Variants in PHF21A observed in about 807,000 individuals in gnomAD.
PHF21A encodes the protein PHD finger protein 21A.
A neutral mutation model predicts 82.5 loss-of-function variants in PHF21A; 11 were observed. The observed-to-expected ratio is 0.13, with a 90% CI of 0.08 to 0.22. The LOEUF (loss-of-function observed/expected upper bound fraction) is 0.22. Ranked by LOEUF, PHF21A falls within the 10% of genes least tolerant of loss-of-function variation. The pLI, the probability that PHF21A is intolerant of heterozygous loss-of-function variation, is 1.00. For synonymous variants in PHF21A, 297 were observed against 302.8 expected (o/e 0.98, Z 0.20); for missense variants, 579 against 837.8 (o/e 0.69, Z 3.81).
At position 45,965,616 on chromosome 11, in the gene PHF21A, G is replaced by T. The variant is rs2093387195; in HGVS notation, c.703-8C>A. The T allele has an allele frequency of 6.6e-7, 1 of 1,519,080 alleles. No homozygotes were observed. The highest frequency in any genetic ancestry group is 2.2e-5 in the Admixed American group (1 of 45,040). 94.1% of individuals were successfully genotyped at this position (1,519,080 alleles called of 1,614,324 possible). ...CACAGGCTTGGGTCGAACCTATAGG[G>T]GAAAGAGAGAATAATTATTGTATTA... On this transcript the variant is annotated splice_polypyrimidine_tract_variant and splice_region_variant and intron_variant, in intron 9 of 18. Coordinates refer to ENST00000676320, the MANE Select transcript of PHF21A (RefSeq NM_001352027.3).
intron 6 of PHF21A, among the ~76,000 whole-genome samples, chr11:46,048,151 C>T (rs1207528728): frequency 6.6e-6 from 1 of 152,186 alleles, no homozygotes; most frequent in Non-Finnish European, 1.5e-5. Flanking sequence ...TCCCCAACTA[C>T]CCACACATAT....
chr11:46,024,318 T>C (rs1287273727), intron 6 of PHF21A, among the ~76,000 whole-genome samples: 2 of 152,192 alleles, frequency 1.3e-5, no homozygotes, highest in Admixed American at 6.5e-5. Context: ...CTTTCCTCTG[T>C]CCTTCTCTTT....
intron 6 of PHF21A, among the ~76,000 whole-genome samples, chr11:46,018,050 A>C (rs2095551962): frequency 6.6e-6 from 1 of 151,996 alleles, no homozygotes; most frequent in Admixed American, 6.5e-5. Context: ...GGAGATCGAG[A>C]CCATCCCGGC....
intron 1 of PHF21A, among the ~76,000 whole-genome samples, chr11:46,101,197 A>G (rs1274825395): frequency 6.6e-6 from 1 of 152,230 alleles, no homozygotes; most frequent in Non-Finnish European, 1.5e-5. Context: ...AGAAAAGCTA[A>G]AATCTGTCCA....
intron 10 of PHF21A, among the ~76,000 whole-genome samples, chr11:45,959,345 A>T (rs1408855189): frequency 6.6e-6 from 1 of 152,240 alleles, no homozygotes; most frequent in African/African-American, 2.4e-5. Flanking sequence ...TTTTTATTTT[A>T]AAAATTCCAG....
Position 45,971,337 on chromosome 11 carries a change from T to C in PHF21A, c.391A>G (p.Thr131Ala). ...TTCAAGACGAGAGGTAGTGTCTTTG[T>C]GGTAATCATAGAAGCTGTAGTTACA... ...KTVTTASMITTKTLPLVLKAA... is the reference protein window; with the variant it reads ...KTVTTASMITAKTLPLVLKAA... Residue 131 changes from threonine (T) to alanine (A), a missense_variant, in exon 8 of 19, where the codon ACA (threonine) becomes GCA (alanine). By Grantham distance (58) the Thr-to-Ala change is moderately conservative. Around this residue, in one of 3 missense-constraint regions of PHF21A, gnomAD observed 410 missense variants for 642.1 expected, o/e 0.64. Transcript: ENST00000676320. The C allele has an allele frequency of 6.2e-7, 1 of 1,614,142 alleles. No individual in the cohort carries two copies. Among genetic ancestry groups the C allele is most frequent in the Non-Finnish European group, 8.5e-7 (1 of 1,179,982 alleles).
At chr11:46,101,026 T>G (rs955116343) in intron 1 of PHF21A, among the ~76,000 whole-genome samples, 2 of 152,238 alleles carry the variant, frequency 1.3e-5, no homozygotes, top group African/African-American at 2.4e-5. Context: ...ACAAGACTTG[T>G]GACCTGCAAC....
intron 6 of PHF21A, among the ~76,000 whole-genome samples, chr11:45,983,301 A>AG (rs1043679450): frequency 1.3e-5 from 2 of 151,672 alleles, no homozygotes; most frequent in Non-Finnish European, 1.5e-5. Flanking sequence ...CCTTGAGAGG[A>AG]GGGAAAAAAA....
At chr11:46,082,386 C>G (rs1051277224) in intron 4 of PHF21A, among the ~76,000 whole-genome samples, 1 of 152,128 alleles carries the variant, frequency 6.6e-6, no homozygotes, top group African/African-American at 2.4e-5. Flanking sequence ...TCTGGCATGC[C>G]TCAATTTGTC....
intron 6 of PHF21A, among the ~76,000 whole-genome samples, chr11:46,007,611 G>A (rs941143302): frequency 1.3e-5 from 2 of 151,962 alleles, no homozygotes; most frequent in Admixed American, 1.3e-4. Context: ...CACCGTGCCC[G>A]GCCCCATCTA....
chr11:45,959,178 T>C (rs1174220772), intron 10 of PHF21A, among the ~76,000 whole-genome samples: 2 of 152,114 alleles, frequency 1.3e-5, no homozygotes, highest in Admixed American at 6.5e-5. Context: ...TCAACTGGTG[T>C]AGAAAAAGCA....
intron 6 of PHF21A, among the ~76,000 whole-genome samples, chr11:46,067,833 T>C (rs1227049467): frequency 6.6e-6 from 1 of 151,920 alleles, no homozygotes; most frequent in African/African-American, 2.4e-5. Flanking sequence ...ACTTGATGAG[T>C]GCAAATAAGT....
chr11:45,981,410 A>C (rs2094279859), intron 6 of PHF21A, among the ~76,000 whole-genome samples: 3 of 142,744 alleles, frequency 2.1e-5, no homozygotes, highest in Non-Finnish European at 4.5e-5. Flanking sequence ...AAAAAAAAAA[A>C]AAAAAAAAAC....
intron 6 of PHF21A, among the ~76,000 whole-genome samples, chr11:46,061,917 A>C (rs1284157632): frequency 6.6e-6 from 1 of 152,148 alleles, no homozygotes; most frequent in African/African-American, 2.4e-5. Flanking sequence ...AAATGTCTCT[A>C]TTCTATCCCC....
intron 6 of PHF21A, among the ~76,000 whole-genome samples, chr11:45,993,524 A>G (rs2094791521): frequency 6.6e-6 from 1 of 151,928 alleles, no homozygotes; most frequent in African/African-American, 2.4e-5. Context: ...ACTAGTTTGA[A>G]TGAAGCTCTG....
At chr11:45,992,841 A>G (rs2136715277) in intron 6 of PHF21A, among the ~76,000 whole-genome samples, 1 of 152,346 alleles carries the variant, frequency 6.6e-6, no homozygotes, top group South Asian at 2.1e-4. Context: ...AAAACAGCTT[A>G]AAGTACCTTA....
chr11:45,942,951 G>A (rs2090621127), intron 15 of PHF21A, among the ~76,000 whole-genome samples: 1 of 151,962 alleles, frequency 6.6e-6, no homozygotes, highest in Non-Finnish European at 1.5e-5. Flanking sequence ...TTAGTAAATG[G>A]AAGCTTCATC....
chr11:45,934,084 T>C lies in PHF21A; in HGVS notation c.1930A>G (p.Ile644Val). 1 of 1,614,110 alleles carries C rather than the reference T, an allele frequency of 6.2e-7. No homozygotes were observed. Among genetic ancestry groups the C allele is most frequent in the Non-Finnish European group, 8.5e-7 (1 of 1,180,002 alleles). The change falls in exon 19 of 19, where the codon ATC becomes GTC. Residue 644 changes from isoleucine (I) to valine (V), a missense_variant. Coordinates refer to ENST00000676320, the MANE Select transcript of PHF21A (RefSeq NM_001352027.3). ...GGGGTGCAGTCCGGGCCATTGGAGA[T>C]GGCCCCCACAGTGGCCTCAGAGTCT... ...PVDSEATVGA[I>V]SNGPDCTPPA...
At chr11:46,026,165 T>C (rs902561385) in intron 6 of PHF21A, among the ~76,000 whole-genome samples, 1 of 152,168 alleles carries the variant, frequency 6.6e-6, no homozygotes, top group Non-Finnish European at 1.5e-5. Flanking sequence ...CAAAACTTCG[T>C]TATATTTGGC....
Sources: gnomAD v4.1 joint callset for allele counts (sites outside exome capture counted in the v4.1 genomes callset) on GRCh38, gnomAD v4.1.1 for gene constraint, gnomAD v4.1.1 regional missense constraint, MANE v1.5 for transcripts, NCBI Gene and HGNC (gene_info 2026-07-23, HGNC 2026-07-21) for gene names.